The following BAHD1 variants were observed in gnomAD, a reference collection of about 807,000 sequenced individuals.
The protein encoded by BAHD1 is bromo adjacent homology domain containing 1, also known as bromo adjacent homology domain-containing 1 protein.
BAHD1 carries 20 observed loss-of-function variants against 63.1 expected under a neutral mutation model. The observed-to-expected ratio is 0.32, with a 90% CI of 0.22 to 0.46. BAHD1 has a LOEUF of 0.46. Ranked by LOEUF, BAHD1 falls within the 20% of genes least tolerant of loss-of-function variation. The pLI is 1.00. For synonymous variants in BAHD1, 408 were observed against 426.8 expected, an observed-to-expected ratio of 0.96 and a Z score of 0.54; for missense variants, 939 against 1,071.8, an observed-to-expected ratio of 0.88 and a Z score of 1.73.
At chr15:40,455,473 G>A (rs114892220) in intron 1 of BAHD1, among the ~76,000 whole-genome samples, 1 of 152,196 alleles carries the variant, frequency 6.6e-6, no homozygotes, top group Non-Finnish European at 1.5e-5. Flanking sequence ...GGACTTCTGT[G>A]TGTTGAGAGG....
At chr15:40,454,428 C>G (rs928795702) in intron 1 of BAHD1, 1 of 152,372 alleles carries the variant, frequency 6.6e-6, no homozygotes, top group Non-Finnish European at 1.5e-5. Context: ...CCTGACCTCC[C>G]CCTCGATTTT....
Position 40,458,642 on chromosome 15 carries a change from C to T in BAHD1, c.178C>T (p.Arg60Cys), listed in dbSNP as rs564832968. The part of the protein sequence containing the change: ...GRRKNYPLRK[R>C]PLVPEKPKAC... ...CCGCAAGAATTACCCACTTCGTAAG[C>T]GCCCATTGGTTCCTGAGAAGCCCAA... is the stretch of plus-strand genomic sequence containing the variant. The change falls in exon 2 of 7, where the codon CGC (arginine) becomes TGC (cysteine). Residue 60 changes from arginine (R) to cysteine (C), a missense_variant. Coordinates refer to ENST00000416165, the MANE Select transcript of BAHD1 (RefSeq NM_014952.5). This position sits in a 1 kb window ranked among gnomAD's most constrained non-coding sequence, Gnocchi z 4.7. 2.2e-5 allele frequency: 36 copies of T among 1,613,854 alleles called. No homozygotes were observed. The Admixed American group carries it at 2.3e-4, about 10-fold the overall frequency.
At chr15:40,457,288 C>T (rs1025298112) in intron 1 of BAHD1, among the ~76,000 whole-genome samples, 1 of 152,206 alleles carries the variant, frequency 6.6e-6, no homozygotes, top group African/African-American at 2.4e-5. Flanking sequence ...CCTGGGTTTT[C>T]TCTACCCCCA....
intron 1 of BAHD1, among the ~76,000 whole-genome samples, chr15:40,456,485 A>G (rs1200606349): frequency 6.6e-6 from 1 of 152,216 alleles, no homozygotes; most frequent in Non-Finnish European, 1.5e-5. Flanking sequence ...GGCCAGAGCA[A>G]AGCCTGGCAC....
intron 6 of BAHD1, 96 bp downstream of exon 6, chr15:40,465,531 G>A: frequency 1.1e-6 from 1 of 931,844 alleles, no homozygotes; most frequent in Non-Finnish European, 1.7e-6. Context: ...ATCTCATTCT[G>A]CTCTCTACCT....
Position 40,466,659 on chromosome 15 carries a change from C to G in BAHD1, c.*529C>G, listed in dbSNP as rs1222361390. ...TGAGGCATAGAGAGCCAGAGTCTGG[C>G]TTCCAGAGCATTGACTTCCTCTTCC... On this transcript the variant is annotated 3_prime_UTR_variant, in exon 7 of 7. Coordinates refer to ENST00000416165, the MANE Select transcript of BAHD1 (RefSeq NM_014952.5). 6.5e-6 allele frequency: 1 copy of G among 153,030 alleles called. No individual in the cohort carries two copies. Among genetic ancestry groups the G allele is most frequent in the African/African-American group, 2.4e-5 (1 of 41,472 alleles). 9.5% of individuals were successfully genotyped at this position (153,030 alleles called of 1,614,324 possible). A position where few individuals can be genotyped will look rare whatever the true frequency, so the allele number is the denominator to read the frequency against.
Position 40,458,357 on chromosome 15 carries a change from C to G in BAHD1, c.-14-94C>G. The G allele has an allele frequency of 6.8e-7, 1 of 1,474,804 alleles. No individual in the cohort carries two copies. The highest frequency in any genetic ancestry group is 9.0e-7 in the Non-Finnish European group (1 of 1,107,170). 91.4% of individuals were successfully genotyped at this position (1,474,804 alleles called of 1,614,324 possible). On this transcript the variant is annotated intron_variant, in intron 1 of 6. Transcript: ENST00000416165. The surrounding 1 kb of genome is among the most constrained non-coding windows in gnomAD (Gnocchi z 4.7). ...ACAGGGTAGTTGTAGGCCAGGATCA[C>G]TGCACCTGGGGCTGGGTAGGCTGCA... is the stretch of plus-strand genomic sequence containing the variant.
rs1893950959 is a variant in BAHD1 at position 40,459,237 on chromosome 15, C to T, written c.773C>T (p.Pro258Leu). 1 of 1,612,238 alleles carries T rather than the reference C, an allele frequency of 6.2e-7. No individual in the cohort carries two copies. The highest frequency in any genetic ancestry group is 1.7e-5 in the Admixed American group (1 of 59,886). Reference protein sequence around the residue: ...KWPKVNGKNYPKAWQGASSGE... With the variant: ...KWPKVNGKNYLKAWQGASSGE... ...CCCAAGGTCAATGGCAAGAACTATC[C>T]CAAGGCTTGGCAGGGGGCCAGCTCT... The change falls in exon 2 of 7, where the codon CCC becomes CTC. Residue 258 changes from proline to leucine, a missense_variant. Physicochemically the swap from Pro to Leu is moderately conservative, Grantham distance 98. Around this residue, in one of 5 missense-constraint regions of BAHD1, gnomAD observed 797 missense variants for 813.3 expected, o/e 0.98. Transcript: ENST00000416165.
intron 4 of BAHD1, 195 bp downstream of exon 4, chr15:40,464,215 C>T: frequency 1.4e-6 from 1 of 710,828 alleles, no homozygotes; most frequent in Non-Finnish European, 2.3e-6. Flanking sequence ...GTTGGATCAG[C>T]TCATTAACCT....
intron 5 of BAHD1, chr15:40,465,125 C>T: frequency 1.7e-6 from 1 of 581,900 alleles, no homozygotes; most frequent in Non-Finnish European, 3.1e-6. Flanking sequence ...GAGCAGATAC[C>T]TGGCTATTCT....
chr15:40,447,611 T>TAAATAAAA (rs1169432402), intron 1 of BAHD1, among the ~76,000 whole-genome samples: 78 of 144,136 alleles, frequency 5.4e-4, no homozygotes, highest in Admixed American at 1.1e-3. Flanking sequence ...AATAAATAAA[T>TAAATAAAA]AAAAATAAAA....
Position 40,461,892 on chromosome 15 carries a change from C to T in BAHD1, c.1433-20C>T, listed in dbSNP as rs1254165382. ...GGGGTCACTGCTTGTCCTGTCCTGA[C>T]CACTCTCTCCCTTTCCTAGAAGGCT... On this transcript the variant is annotated intron_variant, in intron 2 of 6. Transcript: ENST00000416165. The T allele has an allele frequency of 1.0e-5, 16 of 1,571,030 alleles. No homozygotes were observed. Among genetic ancestry groups the T allele is most frequent in the Non-Finnish European group, 1.3e-5 (15 of 1,153,904 alleles).
chr15:40,442,121 C>T (rs1893421264), intron 1 of BAHD1, among the ~76,000 whole-genome samples: 1 of 152,172 alleles, frequency 6.6e-6, no homozygotes, highest in African/African-American at 2.4e-5. Flanking sequence ...CTCGCTCCGC[C>T]GCCTCTCTTC....
At chr15:40,464,360 GC>G in intron 4 of BAHD1, 110 bp from the exon 5 acceptor site, 1 of 922,124 alleles carries the variant, frequency 1.1e-6, no homozygotes, top group Non-Finnish European at 1.7e-6. Flanking sequence ...GGTTGCCGGA[GC>G]CTGCAGGATT....
chr15:40,461,119 G>T (rs1398475603), intron 2 of BAHD1, among the ~76,000 whole-genome samples: 1 of 152,178 alleles, frequency 6.6e-6, no homozygotes, highest in Non-Finnish European at 1.5e-5. Context: ...CTATGGGCGA[G>T]TCAGTAACTG....
At chr15:40,446,681 T>C (rs1383624672) in intron 1 of BAHD1, among the ~76,000 whole-genome samples, 2 of 152,242 alleles carry the variant, frequency 1.3e-5, no homozygotes, top group East Asian at 1.9e-4. Flanking sequence ...GGTGATTTCT[T>C]AGTCTTGTTA....
rs1357655267 is a variant in BAHD1 at position 40,467,849 on chromosome 15, C to G, written c.*1719C>G. 2.0e-5 allele frequency: 3 copies of G among 152,600 alleles called. No homozygotes were observed. Among genetic ancestry groups the G allele is most frequent in the Admixed American group, 6.5e-5 (1 of 15,280 alleles). The allele number at this position is 152,600 out of a possible 1,614,324, so 9.5% of individuals were successfully genotyped here. On this transcript the variant is annotated 3_prime_UTR_variant, in exon 7 of 7. Transcript: ENST00000416165. ...GGCAGTGGGGGCTCTGCAGAGCCAG[C>G]CTTGGAGCCTGCTCATTCTGGGCCC...
In BAHD1 at chr15:40,467,979, C is replaced by CTTA. The variant is rs1441984730; in HGVS notation, c.*1850_*1852dup. On this transcript the variant is annotated 3_prime_UTR_variant, in exon 7 of 7. Coordinates refer to ENST00000416165, the MANE Select transcript of BAHD1 (RefSeq NM_014952.5). Reference sequence around the variant, plus strand: ...CCGAACTTAAATGCTTTTGAAATCTCTTAGATGTGGAAATATTTTTTCGAA... The same window carrying CTTA: ...CCGAACTTAAATGCTTTTGAAATCTCTTATTAGATGTGGAAATATTTTTTCGAA... The CTTA allele has an allele frequency of 6.6e-6, 1 of 152,614 alleles. No homozygotes were observed. Among genetic ancestry groups the CTTA allele is most frequent in the African/African-American group, 2.4e-5 (1 of 41,436 alleles). The allele number at this position is 152,614 out of a possible 1,614,324, so 9.5% of individuals were successfully genotyped here.
chr15:40,459,395 C>A lies in BAHD1; in HGVS notation c.931C>A (p.Arg311Ser). 1 of 1,612,430 alleles carries A rather than the reference C, an allele frequency of 6.2e-7. No homozygotes were observed. The highest frequency in any genetic ancestry group is 8.5e-7 in the Non-Finnish European group (1 of 1,179,602). The part of the protein sequence containing the change: ...SKALESPLGL[R>S]PHLPLLMGGQ... ...GGCTCTGGAGAGCCCTTTGGGGCTG[C>A]GCCCTCACCTGCCCCTGCTGATGGG... The change falls in exon 2 of 7, where the codon CGC (arginine) becomes AGC (serine). Residue 311 changes from arginine to serine, a missense_variant. Physicochemically the swap from Arg to Ser is moderately radical, Grantham distance 110. Around this residue, in one of 5 missense-constraint regions of BAHD1, gnomAD observed 797 missense variants for 813.3 expected, o/e 0.98. Coordinates refer to ENST00000416165, the MANE Select transcript of BAHD1 (RefSeq NM_014952.5).
Sources: gnomAD v4.1 joint callset for allele counts (sites outside exome capture counted in the v4.1 genomes callset) on GRCh38, gnomAD v4.1.1 for gene constraint, gnomAD v4.1.1 regional missense constraint, Gnocchi (gnomAD v3.1) non-coding constraint, MANE v1.5 for transcripts, NCBI Gene and HGNC (gene_info 2026-07-23, HGNC 2026-07-21) for gene names.